PLD1: variants seen among roughly 807,000 people sequenced by gnomAD.
PLD1 encodes phospholipase D1.
PLD1 carries 112 observed loss-of-function variants against 137.1 expected under a neutral mutation model. The ratio of observed to expected loss-of-function variants is 0.82; its 90% confidence interval spans 0.70 to 0.96. The LOEUF is 0.96. Ranked by LOEUF, PLD1 falls within the 40% of genes least tolerant of loss-of-function variation. The pLI is 0.00. For synonymous variants in PLD1, 431 were observed against 454.7 expected (o/e 0.95, Z 0.66); for missense variants, 1,321 against 1,342.0 (o/e 0.98, Z 0.24).
chr3:171,803,947 T>C (rs1723745896), intron 1 of PLD1, among the ~76,000 whole-genome samples: 1 of 152,210 alleles, frequency 6.6e-6, no homozygotes, highest in East Asian at 1.9e-4. Context: ...AACATCACAG[T>C]GATGTTAGTG....
At chr3:171,735,710 T>A in intron 3 of PLD1, 73 bp from the exon 4 acceptor site, 1 of 799,518 alleles carries the variant, frequency 1.3e-6, no homozygotes, top group Non-Finnish European at 2.1e-6. Context: ...GTGAACAATA[T>A]TTAACTAGTA....
intron 19 of PLD1, among the ~76,000 whole-genome samples, chr3:171,667,926 A>G (rs1712315286): frequency 6.6e-6 from 1 of 152,092 alleles, no homozygotes; most frequent in South Asian, 2.1e-4. Flanking sequence ...TAATTTTTAT[A>G]TTTTTAGTGG....
intron 8 of PLD1, among the ~76,000 whole-genome samples, chr3:171,722,161 G>A (rs937982761): frequency 9.2e-5 from 14 of 152,236 alleles, no homozygotes; most frequent in Non-Finnish European, 1.8e-4. Flanking sequence ...TCTATTATGT[G>A]CCAAACTTGG....
intron 23 of PLD1, among the ~76,000 whole-genome samples, chr3:171,622,624 T>C (rs1417456140): frequency 2.6e-5 from 4 of 151,360 alleles, no homozygotes; most frequent in Non-Finnish European, 5.9e-5. Context: ...TTTCTTAACA[T>C]GCTGAAAATA....
intron 24 of PLD1, among the ~76,000 whole-genome samples, chr3:171,619,480 G>A (rs921112925): frequency 2.0e-5 from 3 of 151,988 alleles, no homozygotes; most frequent in African/African-American, 7.3e-5. Flanking sequence ...CTTAGTGCAG[G>A]GCTACATCCT....
intron 1 of PLD1, among the ~76,000 whole-genome samples, chr3:171,800,056 T>C (rs963910349): frequency 8.5e-5 from 13 of 152,200 alleles, no homozygotes; most frequent in African/African-American, 2.2e-4. Context: ...TACTTAATAA[T>C]GCATCTATAT....
intron 8 of PLD1, chr3:171,721,489 G>C (rs1718126267): frequency 6.6e-6 from 1 of 152,250 alleles, no homozygotes. Context: ...GGCTGCTCCT[G>C]GGAGCTGTTG....
chr3:171,808,610 T>A (rs1394404016), intron 1 of PLD1, among the ~76,000 whole-genome samples: 3 of 122,446 alleles, frequency 2.5e-5, no homozygotes, highest in Non-Finnish European at 5.1e-5. Flanking sequence ...CCTATAAGAG[T>A]TAAAGGTAAA....
intron 1 of PLD1, among the ~76,000 whole-genome samples, chr3:171,780,781 A>T (rs1722767197): frequency 6.6e-6 from 1 of 152,228 alleles, no homozygotes; most frequent in Non-Finnish European, 1.5e-5. Flanking sequence ...GGCTCAAATG[A>T]GAATGTGACT....
intron 10 of PLD1, 67 bp from the exon 11 acceptor site, chr3:171,708,905 T>C: frequency 9.9e-7 from 1 of 1,009,088 alleles, no homozygotes. Flanking sequence ...TATCTTATGG[T>C]AAAGCAAAAC....
At chr3:171,638,907 G>A (rs1735394898) in intron 23 of PLD1, among the ~76,000 whole-genome samples, 2 of 152,114 alleles carry the variant, frequency 1.3e-5, no homozygotes, top group African/African-American at 4.8e-5. Flanking sequence ...GAGATCAAGA[G>A]ACAGATGGAA....
intron 19 of PLD1, among the ~76,000 whole-genome samples, chr3:171,668,893 TTCCTTCACCTTC>T (rs1186884036): frequency 6.6e-6 from 1 of 152,222 alleles, no homozygotes; most frequent in African/African-American, 2.4e-5. Flanking sequence ...TTTATTCTAG[TTCCTTCACCTTC>T]TCTGTGTAGA....
intron 19 of PLD1, among the ~76,000 whole-genome samples, chr3:171,667,962 C>T (rs1286675248): frequency 3.3e-5 from 5 of 152,266 alleles, no homozygotes; most frequent in East Asian, 1.9e-4. Context: ...ACATTGGCCA[C>T]GCTGGTTTCG....
At chr3:171,661,561 T>C (rs1357204623) in intron 20 of PLD1, among the ~76,000 whole-genome samples, 5 of 152,170 alleles carry the variant, frequency 3.3e-5, no homozygotes, top group Non-Finnish European at 7.3e-5. Flanking sequence ...TCACACAGGA[T>C]TGAAGAAGGT....
chr3:171,600,555 G>A lies in PLD1; in HGVS notation c.*2523C>T, dbSNP rs913242724. 3 of 151,998 alleles carry A rather than the reference G, an allele frequency of 2.0e-5. No homozygotes were observed. Among genetic ancestry groups the A allele is most frequent in the African/African-American group, 7.2e-5 (3 of 41,396 alleles). The allele number at this position is 151,998 out of a possible 1,614,324, so 9.4% of individuals were successfully genotyped here. A position where few individuals can be genotyped will look rare whatever the true frequency, so the allele number is the denominator to read the frequency against. ...AGATAAATTATTTGAACTTCTAGTA[G>A]GTAGTAATGGTGTCAGAGAATGACA... On this transcript the variant is annotated 3_prime_UTR_variant, in exon 27 of 27. Transcript: ENST00000351298.
At chr3:171,806,605 G>A (rs1179577987) in intron 1 of PLD1, among the ~76,000 whole-genome samples, 2 of 152,184 alleles carry the variant, frequency 1.3e-5, no homozygotes, top group Non-Finnish European at 2.9e-5. Context: ...CAATGACTCA[G>A]CCTAACTACA....
chr3:171,624,561 G>A (rs11929621), intron 23 of PLD1, among the ~76,000 whole-genome samples: 35,285 of 151,300 alleles, frequency 0.23, 4,373 homozygotes, highest in Admixed American at 0.3. Context: ...AAGAATATAT[G>A]TATATATATT....
intron 19 of PLD1, among the ~76,000 whole-genome samples, chr3:171,673,857 G>A (rs1713051187): frequency 6.6e-6 from 1 of 152,004 alleles, no homozygotes; most frequent in African/African-American, 2.4e-5. Flanking sequence ...TCCTACTTCT[G>A]TCCCCACATG....
At chr3:171,620,888 G>C (rs1733578697) in intron 23 of PLD1, among the ~76,000 whole-genome samples, 2 of 151,660 alleles carry the variant, frequency 1.3e-5, no homozygotes, top group Admixed American at 1.3e-4. Context: ...CTACTGAAGA[G>C]TGATGGTTAA....
Sources: gnomAD v4.1 joint callset for allele counts (sites outside exome capture counted in the v4.1 genomes callset) on GRCh38, gnomAD v4.1.1 for gene constraint, MANE v1.5 for transcripts, NCBI Gene and HGNC (gene_info 2026-07-23, HGNC 2026-07-21) for gene names.